DROSHA: variants seen among roughly 807,000 people sequenced by gnomAD.
DROSHA encodes the protein ribonuclease 3.
A neutral mutation model predicts 181.9 loss-of-function variants in DROSHA; 56 were observed. The ratio of observed to expected loss-of-function variants is 0.31; its 90% confidence interval spans 0.25 to 0.38. The LOEUF is 0.38. DROSHA is among the 10% of genes least tolerant of loss of function. DROSHA has a pLI of 1.00. For missense variants in DROSHA, 1,218 were observed against 1,743.5 expected (o/e 0.70, Z 5.37); for synonymous variants, 524 against 591.2 (o/e 0.89, Z 1.65).
chr5:31,500,916 C>T (rs186487752), intron 11 of DROSHA, among the ~76,000 whole-genome samples: 114 of 152,256 alleles, frequency 7.5e-4, no homozygotes, highest in Middle Eastern at 3.4e-3. Context: ...TTAGTTTGTA[C>T]GAACATAAGA....
intron 11 of DROSHA, among the ~76,000 whole-genome samples, chr5:31,501,569 G>A (rs577307465): frequency 4.6e-5 from 7 of 152,104 alleles, no homozygotes; most frequent in Non-Finnish European, 7.4e-5. Context: ...AGATGGTACC[G>A]GTCCTATCTC....
At chr5:31,405,576 C>T in intron 35 of DROSHA, 101 bp downstream of exon 35, 1 of 1,054,504 alleles carries the variant, frequency 9.5e-7, no homozygotes, top group South Asian at 1.5e-5. Context: ...AAAACAAGAT[C>T]ACATTTTATC....
At chr5:31,508,990 T>A (rs1328964266) in intron 9 of DROSHA, among the ~76,000 whole-genome samples, 1 of 152,118 alleles carries the variant, frequency 6.6e-6, no homozygotes, top group East Asian at 1.9e-4. Context: ...ACCCAGCTAT[T>A]TTTTGTGTTT....
At chr5:31,505,223 G>A (rs1042073527) in intron 10 of DROSHA, among the ~76,000 whole-genome samples, 6 of 152,182 alleles carry the variant, frequency 3.9e-5, no homozygotes, top group Admixed American at 6.5e-5. Context: ...CCTCTGGAAC[G>A]GATGAGTGCT....
intron 13 of DROSHA, among the ~76,000 whole-genome samples, chr5:31,487,211 AAG>A (rs1236886789): frequency 2.0e-5 from 3 of 152,216 alleles, no homozygotes. Flanking sequence ...GCTAAGGCAG[AAG>A]AGTCATCAGG....
chr5:31,482,460 T>C (rs1751143308), intron 16 of DROSHA, among the ~76,000 whole-genome samples: 1 of 152,104 alleles, frequency 6.6e-6, no homozygotes, highest in South Asian at 2.1e-4. Flanking sequence ...GAGGCTAGAC[T>C]GAAGGATGTC....
At chr5:31,502,146 T>C (rs1313465881) in intron 11 of DROSHA, among the ~76,000 whole-genome samples, 1 of 152,220 alleles carries the variant, frequency 6.6e-6, no homozygotes, top group Non-Finnish European at 1.5e-5. Flanking sequence ...TTTAGAAACA[T>C]TGTTCCAACC....
intron 16 of DROSHA, among the ~76,000 whole-genome samples, chr5:31,477,075 A>G (rs1750456815): frequency 6.6e-6 from 1 of 152,142 alleles, no homozygotes; most frequent in African/African-American, 2.4e-5. Flanking sequence ...AATTCCGCCA[A>G]CTCTGGGACT....
chr5:31,448,642 A>G (rs1374109281), intron 22 of DROSHA, 35 bp from the exon 23 acceptor site: 3 of 1,518,944 alleles, frequency 2.0e-6, no homozygotes, highest in Non-Finnish European at 2.7e-6. Flanking sequence ...ACAAGTAAAT[A>G]CGGATAGAAG....
chr5:31,427,164 G>T (rs1743574875), intron 27 of DROSHA, among the ~76,000 whole-genome samples: 1 of 152,166 alleles, frequency 6.6e-6, no homozygotes, highest in African/African-American at 2.4e-5. Context: ...TCCAGTTTCT[G>T]CAGCTCCAGA....
intron 14 of DROSHA, among the ~76,000 whole-genome samples, chr5:31,485,373 A>G (rs1751603121): frequency 6.7e-6 from 1 of 148,620 alleles, no homozygotes; most frequent in South Asian, 2.2e-4. Flanking sequence ...GAGTTACCAA[A>G]AAACAGAGGT....
intron 35 of DROSHA, among the ~76,000 whole-genome samples, chr5:31,401,907 C>T (rs1347330684): frequency 6.6e-6 from 1 of 152,120 alleles, no homozygotes; most frequent in Non-Finnish European, 1.5e-5. Flanking sequence ...CAACAGGTGA[C>T]TTTCTGGGAG....
chr5:31,449,363 G>A lies in DROSHA; in HGVS notation c.2739C>T (p.Ala913=). 6.2e-7 allele frequency: 1 copy of A among 1,608,392 alleles called. No homozygotes were observed. The highest frequency in any genetic ancestry group is 2.2e-5 in the East Asian group (1 of 44,790). ...HLNFGMNPDH[A]RNSLSNCGIR... is the part of the protein sequence containing the mutation. The stretch of plus-strand genomic sequence containing the variant: ...TTCCACAGTTAGATAATGAATTCCT[G>A]GCATGATCAGGATTCATTCCAAAAT... The change falls in exon 22 of 36, where the codon GCC becomes GCT. Residue 913 remains alanine, a synonymous_variant. Transcript: ENST00000344624.
At chr5:31,530,462 C>A (rs570777328) in intron 3 of DROSHA, among the ~76,000 whole-genome samples, 1 of 151,858 alleles carries the variant, frequency 6.6e-6, no homozygotes, top group Non-Finnish European at 1.5e-5. Flanking sequence ...CCCAGAAAGA[C>A]CCTACTACCC....
chr5:31,503,568 C>G (rs1385177112), intron 11 of DROSHA, among the ~76,000 whole-genome samples: 1 of 152,174 alleles, frequency 6.6e-6, no homozygotes, highest in Non-Finnish European at 1.5e-5. Flanking sequence ...GTACTTTGCT[C>G]TGGGGACTGA....
At chr5:31,462,662 C>T (rs1445905194) in intron 20 of DROSHA, among the ~76,000 whole-genome samples, 1 of 133,528 alleles carries the variant, frequency 7.5e-6, no homozygotes, top group African/African-American at 2.8e-5. Flanking sequence ...AGGCTCAATG[C>T]TTCAGAAAAA....
At chr5:31,424,818 A>G (rs1743280893) in intron 27 of DROSHA, among the ~76,000 whole-genome samples, 1 of 152,218 alleles carries the variant, frequency 6.6e-6, no homozygotes, top group Admixed American at 6.5e-5. Context: ...AGAAATGTGC[A>G]TCAGCTGTGC....
chr5:31,530,991 G>C, intron 2 of DROSHA, 67 bp from the exon 3 acceptor site: 1 of 394,880 alleles, frequency 2.5e-6, no homozygotes, highest in Non-Finnish European at 4.5e-6. Context: ...TGTTGCTACT[G>C]TACATTTCCC....
At chr5:31,522,270 C>G (rs1191431021) in intron 5 of DROSHA, among the ~76,000 whole-genome samples, 1 of 152,126 alleles carries the variant, frequency 6.6e-6, no homozygotes, top group African/African-American at 2.4e-5. Flanking sequence ...ATTCTACATT[C>G]TTCATCTCAT....
Sources: gnomAD v4.1 joint callset for allele counts (sites outside exome capture counted in the v4.1 genomes callset) on GRCh38, gnomAD v4.1.1 for gene constraint, MANE v1.5 for transcripts, NCBI Gene and HGNC (gene_info 2026-07-23, HGNC 2026-07-21) for gene names.